Variants in CDK6 observed in about 807,000 individuals in gnomAD.
CDK6 encodes the protein cyclin dependent kinase 6, also known as cyclin-dependent kinase 6.
A neutral mutation model predicts 37.1 loss-of-function variants in CDK6; 6 were observed. The ratio of observed to expected loss-of-function variants is 0.16; its 90% CI spans 0.09 to 0.32. The LOEUF (loss-of-function observed/expected upper bound fraction) is 0.32, where lower values mean the gene tolerates loss of function less well. CDK6 is among the 10% of genes least tolerant of loss of function. The pLI is 1.00. For synonymous variants in CDK6, 160 were observed against 161.3 expected (o/e 0.99, Z 0.06); for missense variants, 224 against 418.9 (o/e 0.53, Z 4.06).
intron 3 of CDK6, among the ~76,000 whole-genome samples, chr7:92,768,036 G>A (rs1337899345): frequency 6.6e-6 from 1 of 152,054 alleles, no homozygotes; most frequent in Non-Finnish European, 1.5e-5. Flanking sequence ...ACTGTAAAAA[G>A]CTACATTAAT....
chr7:92,734,482 G>A (rs1798735152), intron 3 of CDK6, among the ~76,000 whole-genome samples: 1 of 152,106 alleles, frequency 6.6e-6, no homozygotes, highest in African/African-American at 2.4e-5. Flanking sequence ...CTCATTTACT[G>A]CCCCATGGCC....
Position 92,607,579 on chromosome 7 carries a change from A to G in CDK6, c.*7561T>C, listed in dbSNP as rs916972185. On this transcript the variant is annotated 3_prime_UTR_variant, in exon 8 of 8. Coordinates refer to ENST00000424848, the MANE Select transcript of CDK6 (RefSeq NM_001145306.2). ...AATTTTTATTTTCTTAGGTCCATCA[A>G]TACCATGATAATGAACATTAGATGC... 4.3e-6 allele frequency: 1 copy of G among 232,794 alleles called. No homozygotes were observed. The highest frequency in any genetic ancestry group is 2.2e-5 in the African/African-American group (1 of 45,312). 14.4% of individuals were successfully genotyped at this position (232,794 alleles called of 1,614,324 possible).
At chr7:92,682,847 C>T (rs1797367617) in intron 4 of CDK6, among the ~76,000 whole-genome samples, 2 of 152,134 alleles carry the variant, frequency 1.3e-5, no homozygotes, top group Admixed American at 6.5e-5. Context: ...AGTGCAAGGA[C>T]CATTTTATTT....
intron 5 of CDK6, among the ~76,000 whole-genome samples, chr7:92,649,366 C>T (rs1796522010): frequency 6.6e-6 from 1 of 152,110 alleles, no homozygotes; most frequent in South Asian, 2.1e-4. Flanking sequence ...GTTAAAAACA[C>T]CAGTGAAGTG....
chr7:92,618,295 G>T, intron 6 of CDK6, 88 bp from the exon 7 acceptor site: 1 of 1,384,426 alleles, frequency 7.2e-7, no homozygotes, highest in Non-Finnish European at 1.0e-6. Flanking sequence ...CAAAATCTAA[G>T]GGGGAGACAT....
chr7:92,618,311 G>A, intron 6 of CDK6, 104 bp from the exon 7 acceptor site: 5 of 1,156,636 alleles, frequency 4.3e-6, no homozygotes, highest in South Asian at 2.9e-5. Flanking sequence ...GACATGGGGG[G>A]CAGAGTCCCA....
At chr7:92,830,800 G>A (rs999955003) in intron 2 of CDK6, among the ~76,000 whole-genome samples, 1 of 152,082 alleles carries the variant, frequency 6.6e-6, no homozygotes, top group Admixed American at 6.5e-5. Context: ...TTCATGGCTC[G>A]TGACTGAGAG....
Position 92,762,379 on chromosome 7 carries a change from AGGAAGCAGAG to A in CDK6, c.369+12307_369+12316del, listed in dbSNP as rs556272235. On this transcript the variant is annotated intron_variant, in intron 3 of 7. Transcript: ENST00000424848. ...ACCCGGAATATATTTTGGTAGAGGAAGGAAGCAGAGGGAAGCAGGGCCCTCACTCATAGCT... is the reference window on the plus strand; with the variant it reads ...ACCCGGAATATATTTTGGTAGAGGAAGGAAGCAGGGCCCTCACTCATAGCT... Among the ~76,000 whole-genome samples the A allele has an allele frequency of 2.9e-3, 439 of 152,228 alleles. 2 individuals carry two copies. The highest frequency in any genetic ancestry group is 0.01 in the African/African-American group (418 of 41,514).
chr7:92,713,604 C>T (rs1798152084), intron 4 of CDK6, among the ~76,000 whole-genome samples: 1 of 144,992 alleles, frequency 6.9e-6, no homozygotes, highest in African/African-American at 2.6e-5. Flanking sequence ...GTACTGAAAG[C>T]TGAAGAAATA....
chr7:92,775,263 T>C (rs1449835301), intron 2 of CDK6, among the ~76,000 whole-genome samples: 1 of 152,220 alleles, frequency 6.6e-6, no homozygotes, highest in Non-Finnish European at 1.5e-5. Context: ...TAATCAAGAT[T>C]TTCCTGGAAT....
chr7:92,623,083 A>G lies in CDK6; in HGVS notation c.651T>C (p.Pro217=), dbSNP rs766781363. 3.9e-5 allele frequency: 62 copies of G among 1,569,684 alleles called. No individual in the cohort carries two copies. The Admixed American group carries it at 1.1e-3, about 27-fold the overall frequency. The change falls in exon 6 of 8, where the codon CCT becomes CCC. Residue 217 remains proline, a synonymous_variant. Coordinates refer to ENST00000424848, the MANE Select transcript of CDK6 (RefSeq NM_001145306.2). ...CIFAEMFRRK[P]LFRGSSDVDQ... is the part of the protein sequence containing the mutation. ...CAACATCTGAACTTCCACGAAAAAG[A>G]GGCCTAAAAGAATAAAGATACATTT...
chr7:92,816,899 A>G (rs1008848205), intron 2 of CDK6, among the ~76,000 whole-genome samples: 2 of 151,978 alleles, frequency 1.3e-5, no homozygotes, highest in African/African-American at 4.8e-5. Flanking sequence ...CAGACATTAA[A>G]AAAGATAAGG....
chr7:92,610,212 G>GT lies in CDK6; in HGVS notation c.*4927dup, dbSNP rs1795532313. On this transcript the variant is annotated 3_prime_UTR_variant, in exon 8 of 8. Transcript: ENST00000424848. Reference sequence around the variant, plus strand: ...CCTACCACATCAACTTCAAATTGCTGTAACAGTATTTCAGCAGATGCTCGA... The same window carrying GT: ...CCTACCACATCAACTTCAAATTGCTGTTAACAGTATTTCAGCAGATGCTCGA... 4.3e-6 allele frequency: 1 copy of GT among 232,132 alleles called. No homozygotes were observed. Among genetic ancestry groups the GT allele is most frequent in the Non-Finnish European group, 8.5e-6 (1 of 117,402 alleles). 14.4% of individuals were successfully genotyped at this position (232,132 alleles called of 1,614,324 possible).
In CDK6 at chr7:92,614,201, T is replaced by TAACAACAAC. The variant is rs766090714; in HGVS notation, c.*930_*938dup. ...ACAAAATAACAACAACAAACAACAA[T>TAACAACAAC]AACAACAACAAAAAAAGGGAAGAAA... On this transcript the variant is annotated 3_prime_UTR_variant, in exon 8 of 8. Coordinates refer to ENST00000424848, the MANE Select transcript of CDK6 (RefSeq NM_001145306.2). 2 of 231,808 alleles carry TAACAACAAC rather than the reference T, an allele frequency of 8.6e-6. No individual in the cohort carries two copies. Among genetic ancestry groups the TAACAACAAC allele is most frequent in the East Asian group, 6.1e-5 (1 of 16,496 alleles). The allele number at this position is 231,808 out of a possible 1,614,324, so 14.4% of individuals were successfully genotyped here. A position where few individuals can be genotyped will look rare whatever the true frequency, so the allele number is the denominator to read the frequency against.
At chr7:92,661,331 T>C (rs1385030251) in intron 5 of CDK6, among the ~76,000 whole-genome samples, 2 of 152,152 alleles carry the variant, frequency 1.3e-5, no homozygotes, top group Non-Finnish European at 2.9e-5. Flanking sequence ...AAATTGTGTA[T>C]TTTAAAGCAC....
At chr7:92,741,669 GT>G (rs1246536775) in intron 3 of CDK6, among the ~76,000 whole-genome samples, 1 of 152,002 alleles carries the variant, frequency 6.6e-6, no homozygotes, top group Non-Finnish European at 1.5e-5. Context: ...TACTTTTTAA[GT>G]TAGTAGCCAG....
chr7:92,741,498 T>G (rs1798925152), intron 3 of CDK6, among the ~76,000 whole-genome samples: 1 of 152,212 alleles, frequency 6.6e-6, no homozygotes, highest in Non-Finnish European at 1.5e-5. Flanking sequence ...AGTCTGAATA[T>G]ATATAAAAAT....
chr7:92,655,508 C>G (rs1031096157), intron 5 of CDK6, among the ~76,000 whole-genome samples: 2 of 152,138 alleles, frequency 1.3e-5, no homozygotes, highest in Admixed American at 1.3e-4. Context: ...CTCTGATAAG[C>G]AAAACAGATA....
At chr7:92,809,755 A>G (rs542744044) in intron 2 of CDK6, among the ~76,000 whole-genome samples, 6 of 152,360 alleles carry the variant, frequency 3.9e-5, no homozygotes, top group African/African-American at 1.4e-4. Context: ...AATTAAAAAC[A>G]GAAAGGAAAG....
Sources: gnomAD v4.1 joint callset for allele counts (sites outside exome capture counted in the v4.1 genomes callset) on GRCh38, gnomAD v4.1.1 for gene constraint, MANE v1.5 for transcripts, NCBI Gene and HGNC (gene_info 2026-07-23, HGNC 2026-07-21) for gene names.